Variants in NEBL observed in about 807,000 individuals in gnomAD.
NEBL encodes LIM and SH3 protein 2.
Under a neutral mutation model 140.2 loss-of-function variants are expected in NEBL, and 122 were observed. That is an observed-to-expected ratio of 0.87 (90% CI 0.75 to 1.01). The LOEUF is 1.01. Among genes scored for constraint, NEBL ranks in the 50% least tolerant of loss-of-function variants. The pLI, the probability that NEBL is intolerant of heterozygous loss-of-function variation, is 0.00. For missense variants in NEBL, 1,365 were observed against 1,231.3 expected (o/e 1.11, Z -1.62); for synonymous variants, 436 against 398.9 (o/e 1.09, Z -1.11).
intron 1 of NEBL, among the ~76,000 whole-genome samples, chr10:21,254,188 A>C (rs550990766): frequency 6.6e-6 from 1 of 152,150 alleles, no homozygotes; most frequent in Non-Finnish European, 1.5e-5. Flanking sequence ...CCCAAGCTGG[A>C]GTTCAACGGC....
At chr10:21,021,790 T>C (rs777364048) in intron 2 of NEBL, among the ~76,000 whole-genome samples, 3 of 152,182 alleles carry the variant, frequency 2.0e-5, no homozygotes, top group Non-Finnish European at 4.4e-5. Context: ...TAGTGGGCTG[T>C]CTTGTGCCTT....
chr10:21,114,006 T>C (rs1423286658), intron 2 of NEBL, among the ~76,000 whole-genome samples: 2 of 152,100 alleles, frequency 1.3e-5, no homozygotes, highest in African/African-American at 2.4e-5. Flanking sequence ...GCTTAAGTCA[T>C]TGGTTTTAGA....
At chr10:20,909,236 C>T (rs910517649) in intron 4 of NEBL, among the ~76,000 whole-genome samples, 5 of 150,768 alleles carry the variant, frequency 3.3e-5, no homozygotes, top group Admixed American at 2.6e-4. Context: ...TAGTAGGTTT[C>T]GTTCATTCTA....
intron 3 of NEBL, among the ~76,000 whole-genome samples, chr10:21,010,605 CAA>C (rs34685634): frequency 6.8e-6 from 1 of 147,802 alleles, no homozygotes; most frequent in Admixed American, 6.7e-5. Context: ...CAAAGCCATT[CAA>C]AAAAAAATAA....
intron 3 of NEBL, among the ~76,000 whole-genome samples, chr10:21,013,902 A>C (rs1244381269): frequency 6.6e-6 from 1 of 152,102 alleles, no homozygotes; most frequent in Non-Finnish European, 1.5e-5. Context: ...AATGAAGAGC[A>C]GAGTCCCCTA....
At chr10:20,994,591 C>T (rs1025875090) in intron 3 of NEBL, among the ~76,000 whole-genome samples, 3 of 152,232 alleles carry the variant, frequency 2.0e-5, no homozygotes, top group African/African-American at 7.2e-5. Flanking sequence ...TTGACCCCCC[C>T]GTACACTCAA....
intron 2 of NEBL, among the ~76,000 whole-genome samples, chr10:21,119,850 A>G (rs528177020): frequency 2.6e-5 from 4 of 152,198 alleles, no homozygotes; most frequent in Admixed American, 2.6e-4. Flanking sequence ...CACATCCTAC[A>G]TTTAGATGTC....
At chr10:20,937,230 GTGTA>G (rs1834537916) in intron 4 of NEBL, among the ~76,000 whole-genome samples, 1 of 152,088 alleles carries the variant, frequency 6.6e-6, no homozygotes, top group African/African-American at 2.4e-5. Flanking sequence ...TCACCCCTTG[GTGTA>G]CCCATCTCCA....
chr10:20,856,744 G>T (rs1357604276), intron 9 of NEBL, among the ~76,000 whole-genome samples: 1 of 152,100 alleles, frequency 6.6e-6, no homozygotes, highest in Non-Finnish European at 1.5e-5. Flanking sequence ...TCCATTCCCT[G>T]TTCAATAGCC....
chr10:21,238,267 G>A (rs1842386913), intron 3 of NEBL, among the ~76,000 whole-genome samples: 1 of 152,218 alleles, frequency 6.6e-6, no homozygotes, highest in African/African-American at 2.4e-5. Context: ...AGGGGAAAGG[G>A]TAATTTTATA....
exon 1 of NEBL, chr10:21,174,169 G>T: frequency 7.5e-6 from 3 of 397,538 alleles, no homozygotes; most frequent in Non-Finnish European, 1.0e-5. Context: ...CCCCCGCCTC[G>T]CCGCCGCCGC....
intron 2 of NEBL, among the ~76,000 whole-genome samples, chr10:21,047,600 G>A (rs1834579216): frequency 1.3e-5 from 2 of 151,800 alleles, no homozygotes; most frequent in African/African-American, 4.8e-5. Context: ...TGAAGGTAAA[G>A]TGGCATAAAA....
chr10:20,797,861 G>A (rs1836709398), intron 26 of NEBL, among the ~76,000 whole-genome samples: 1 of 152,036 alleles, frequency 6.6e-6, no homozygotes. Flanking sequence ...AGCAACTCAG[G>A]AGGCTGAGAT....
chr10:21,186,211 G>C (rs1250277591), intron 3 of NEBL, among the ~76,000 whole-genome samples: 1 of 151,682 alleles, frequency 6.6e-6, no homozygotes, highest in Non-Finnish European at 1.5e-5. Flanking sequence ...TGAAATCAGA[G>C]AGAACATACA....
intron 3 of NEBL, among the ~76,000 whole-genome samples, chr10:21,235,408 G>A (rs1564547396): frequency 6.6e-6 from 1 of 152,106 alleles, no homozygotes; most frequent in South Asian, 2.1e-4. Flanking sequence ...GCGCGATCTC[G>A]GGTTCAAGCG....
intron 7 of NEBL, among the ~76,000 whole-genome samples, chr10:20,860,579 A>AAAC (rs1843600399): frequency 6.7e-6 from 1 of 150,184 alleles, no homozygotes; most frequent in Non-Finnish European, 1.5e-5. Context: ...AAAAAAAAAA[A>AAAC]AAAAAAAACC....
At position 20,919,732 on chromosome 10, in the gene NEBL, G is replaced by A. The variant is rs549326998; in HGVS notation, c.357+41940C>T. ...TATGAAACCGTGGAACAAAACATAG[G>A]GGAATTGCTTTACAACCTGGGAGTG... On this transcript the variant is annotated intron_variant, in intron 4 of 6. Coordinates refer to the NEBL transcript ENST00000417816. 4.6e-5 allele frequency among the ~76,000 whole-genome samples: 7 copies of A among 152,184 alleles called. No individual in the cohort carries two copies. The South Asian group carries it at 1.5e-3, about 32-fold the overall frequency.
intron 2 of NEBL, among the ~76,000 whole-genome samples, chr10:21,159,855 A>T (rs1265249356): frequency 6.6e-6 from 1 of 152,222 alleles, no homozygotes; most frequent in Non-Finnish European, 1.5e-5. Context: ...AAACTCCTGG[A>T]TCTTACGTAT....
chr10:21,139,670 C>T (rs947146387), intron 2 of NEBL, among the ~76,000 whole-genome samples: 1 of 152,154 alleles, frequency 6.6e-6, no homozygotes, highest in Non-Finnish European at 1.5e-5. Flanking sequence ...TAGCACATGT[C>T]GCACCTATTA....
Sources: gnomAD v4.1 joint callset for allele counts (sites outside exome capture counted in the v4.1 genomes callset) on GRCh38, gnomAD v4.1.1 for gene constraint, MANE v1.5 for transcripts, NCBI Gene and HGNC (gene_info 2026-07-23, HGNC 2026-07-21) for gene names.